The following TMCO4 variants were observed in gnomAD, a reference collection of about 807,000 sequenced individuals.
TMCO4 encodes the protein transmembrane and coiled-coil domain-containing protein 4.
Under a neutral mutation model 64.7 loss-of-function variants are expected in TMCO4, and 58 were observed. That is an observed-to-expected ratio of 0.90 (90% CI 0.73 to 1.12). The LOEUF (loss-of-function observed/expected upper bound fraction) is 1.12, where lower values mean the gene tolerates loss of function less well. TMCO4 is among the 50% of genes most tolerant of loss of function. The pLI is 0.00. For missense variants in TMCO4, 780 were observed against 825.9 expected, an observed-to-expected ratio of 0.94 and a Z score of 0.68; for synonymous variants, 325 against 346.1, an observed-to-expected ratio of 0.94 and a Z score of 0.68.
chr1:19,766,242 C>CA (rs1422688721), intron 6 of TMCO4, among the ~76,000 whole-genome samples: 1 of 152,220 alleles, frequency 6.6e-6, no homozygotes, highest in Non-Finnish European at 1.5e-5. Flanking sequence ...CAAAGGTAAA[C>CA]AGGCCCAACA....
At chr1:19,685,631 C>A (rs1044671377) in intron 15 of TMCO4, among the ~76,000 whole-genome samples, 14 of 151,748 alleles carry the variant, frequency 9.2e-5, no homozygotes, top group Non-Finnish European at 1.2e-4. Flanking sequence ...TGAAATTGAG[C>A]CACACGGAGG....
intron 2 of TMCO4, among the ~76,000 whole-genome samples, chr1:19,788,658 G>C (rs2043864237): frequency 6.6e-6 from 1 of 152,096 alleles, no homozygotes; most frequent in Admixed American, 6.6e-5. Flanking sequence ...GCCCGAGATT[G>C]GCATGTTGGG....
chr1:19,746,796 C>T (rs956096159), intron 8 of TMCO4, among the ~76,000 whole-genome samples, 197 bp from the exon 9 acceptor site: 11 of 151,994 alleles, frequency 7.2e-5, no homozygotes, highest in Middle Eastern at 6.8e-3. Context: ...TGGTGGCAGG[C>T]GCCTGTAATC....
chr1:19,705,358 G>A lies in TMCO4; in HGVS notation c.1265-4473C>T, dbSNP rs540087583. On this transcript the variant is annotated intron_variant, in intron 13 of 15. Transcript: ENST00000294543. ...CCCAGCTACTCGGAAGGCTGAGGTAGGGGAATCGCTTGAACCCAGGAGGCG... is the reference window on the plus strand; with the variant it reads ...CCCAGCTACTCGGAAGGCTGAGGTAAGGGAATCGCTTGAACCCAGGAGGCG... Among the ~76,000 whole-genome samples, 14 of 150,186 alleles carry A rather than the reference G, an allele frequency of 9.3e-5. No homozygotes were observed. The South Asian group carries it at 2.9e-3, about 31-fold the overall frequency.
Position 19,771,314 on chromosome 1 carries a change from G to C in TMCO4, c.348C>G (p.Ile116Met). The part of the protein sequence containing the change: ...DPILKDDPTV[I>M]TQDLLSFSLK... Reference sequence around the variant, plus strand: ...CACCAGGTGTTGGGTGTACCTGAGTGATCACCGTCGGGTCGTCCTTCAAGA... The same window carrying C: ...CACCAGGTGTTGGGTGTACCTGAGTCATCACCGTCGGGTCGTCCTTCAAGA... The change falls in exon 5 of 16, where the codon ATC (isoleucine) becomes ATG (methionine). Residue 116 changes from isoleucine (I) to methionine (M), a missense_variant. By Grantham distance (10) the Ile-to-Met change is conservative. Coordinates refer to ENST00000294543, the MANE Select transcript of TMCO4 (RefSeq NM_181719.7). 7 of 1,613,888 alleles carry C rather than the reference G, an allele frequency of 4.3e-6. No individual in the cohort carries two copies. Among genetic ancestry groups the C allele is most frequent in the Non-Finnish European group, 5.9e-6 (7 of 1,179,846 alleles).
intron 4 of TMCO4, among the ~76,000 whole-genome samples, chr1:19,776,827 G>GACT (rs1166472746): frequency 1.2e-4 from 18 of 152,194 alleles, no homozygotes; most frequent in South Asian, 6.2e-4. Context: ...AGGAGTTCAA[G>GACT]ACTAGCCTGG....
intron 13 of TMCO4, among the ~76,000 whole-genome samples, chr1:19,709,087 C>T (rs1402379808): frequency 1.3e-5 from 2 of 152,170 alleles, no homozygotes; most frequent in African/African-American, 4.8e-5. Context: ...GGAGAAAGGG[C>T]GGCTTTGACT....
intron 13 of TMCO4, among the ~76,000 whole-genome samples, chr1:19,731,782 C>A (rs2095431120): frequency 6.6e-6 from 1 of 152,326 alleles, no homozygotes; most frequent in East Asian, 1.9e-4. Context: ...TGGTCCCCAC[C>A]AGCTTCCTTG....
At chr1:19,761,687 G>A (rs151329244) in intron 6 of TMCO4, among the ~76,000 whole-genome samples, 3 of 152,316 alleles carry the variant, frequency 2.0e-5, no homozygotes, top group East Asian at 3.9e-4. Context: ...CAGCTTCCTC[G>A]GTCCCACATG....
intron 6 of TMCO4, among the ~76,000 whole-genome samples, chr1:19,763,081 T>TC (rs1161539141): frequency 6.7e-6 from 1 of 149,864 alleles, no homozygotes; most frequent in East Asian, 1.9e-4. Flanking sequence ...TTTCTTTTTT[T>TC]CTTTTTTTTT....
intron 13 of TMCO4, among the ~76,000 whole-genome samples, chr1:19,735,359 G>A (rs780084918): frequency 1.5e-4 from 23 of 152,288 alleles, no homozygotes; most frequent in Admixed American, 3.9e-4. Flanking sequence ...CCCAAGGTCC[G>A]ACAGCCAGTC....
In TMCO4 at chr1:19,711,884, C is replaced by T. The variant is rs951484004; in HGVS notation, c.1265-10999G>A. 2.0e-5 allele frequency among the ~76,000 whole-genome samples: 3 copies of T among 152,012 alleles called. No homozygotes were observed. In the East Asian group the frequency reaches 5.8e-4, roughly 29 times the overall value. ...GTTGGTCAGGCTGGTCTCGAACTTCCGACCTCAGGTGATCCACCCACCTTG... is the reference window on the plus strand; with the variant it reads ...GTTGGTCAGGCTGGTCTCGAACTTCTGACCTCAGGTGATCCACCCACCTTG... On this transcript the variant is annotated intron_variant, in intron 13 of 15. Coordinates refer to ENST00000294543, the MANE Select transcript of TMCO4 (RefSeq NM_181719.7).
At chr1:19,736,405 CA>C in intron 13 of TMCO4, among the ~76,000 whole-genome samples, 1 of 152,316 alleles carries the variant, frequency 6.6e-6, no homozygotes, top group African/African-American at 2.4e-5. Context: ...GGTGAGGACA[CA>C]ACCAAATCAT....
At chr1:19,709,331 C>T (rs910183747) in intron 13 of TMCO4, among the ~76,000 whole-genome samples, 1 of 151,590 alleles carries the variant, frequency 6.6e-6, no homozygotes, top group Non-Finnish European at 1.5e-5. Flanking sequence ...CCTGACCTCC[C>T]CTCCTTCTCC....
chr1:19,685,699 C>T (rs1394409741), intron 15 of TMCO4, among the ~76,000 whole-genome samples: 3 of 137,140 alleles, frequency 2.2e-5, no homozygotes, highest in African/African-American at 8.0e-5. Context: ...GATTTGAATC[C>T]AGGCCTGTTT....
intron 15 of TMCO4, among the ~76,000 whole-genome samples, chr1:19,692,299 A>T (rs1030826066): frequency 6.6e-6 from 1 of 151,708 alleles, no homozygotes; most frequent in Non-Finnish European, 1.5e-5. Flanking sequence ...TCTCATATCT[A>T]CCTGGGCTGG....
chr1:19,752,613 C>T (rs1224342433), intron 7 of TMCO4, among the ~76,000 whole-genome samples: 1 of 152,156 alleles, frequency 6.6e-6, no homozygotes. Context: ...TCTACAGACA[C>T]TTTCCTAGTA....
chr1:19,785,154 T>C (rs114887928), intron 3 of TMCO4, among the ~76,000 whole-genome samples: 3,336 of 152,242 alleles, frequency 0.022, 112 homozygotes, highest in African/African-American at 0.076. Flanking sequence ...CATCACATCA[T>C]CTGGCCTCAG....
intron 2 of TMCO4, among the ~76,000 whole-genome samples, chr1:19,793,583 A>T (rs193033665): frequency 2.2e-4 from 34 of 152,350 alleles, no homozygotes; most frequent in Admixed American, 9.1e-4. Flanking sequence ...TCAGTGAGGC[A>T]TCTCAGGAGG....
Sources: allele counts gnomAD v4.1 joint callset (sites outside exome capture counted in the v4.1 genomes callset), GRCh38; gene constraint gnomAD v4.1.1; transcripts MANE v1.5; gene names NCBI Gene and HGNC (gene_info 2026-07-23, HGNC 2026-07-21).